Variants in CCSER1 observed in about 807,000 individuals in gnomAD.
CCSER1 encodes the protein coiled-coil serine rich protein 1, also known as serine-rich coiled-coil domain-containing protein 1.
CCSER1 carries 41 observed loss-of-function variants against 82.0 expected under a neutral mutation model. The observed-to-expected ratio is 0.50, with a 90% CI of 0.39 to 0.65. CCSER1 has a LOEUF of 0.65. CCSER1 is among the 30% of genes least tolerant of loss of function. CCSER1 has a pLI of 0.00. For synonymous variants in CCSER1, 414 were observed against 383.9 expected, an observed-to-expected ratio of 1.08 and a Z score of -0.92; for missense variants, 1,119 against 1,064.2, an observed-to-expected ratio of 1.05 and a Z score of -0.72.
intron 1 of CCSER1, among the ~76,000 whole-genome samples, chr4:90,222,773 T>C (rs1028529938): frequency 2.8e-4 from 42 of 152,172 alleles, no homozygotes; most frequent in Non-Finnish European, 5.4e-4. Flanking sequence ...TCTTTCTGAT[T>C]TCTTTTAATT....
chr4:90,638,981 A>G (rs1725975668), intron 6 of CCSER1, among the ~76,000 whole-genome samples: 2 of 152,088 alleles, frequency 1.3e-5, no homozygotes, highest in Admixed American at 6.6e-5. Context: ...AATATTAATA[A>G]CTACCTCATA....
intron 8 of CCSER1, among the ~76,000 whole-genome samples, chr4:90,835,543 A>G (rs144581348): frequency 1.6e-4 from 24 of 152,164 alleles, no homozygotes; most frequent in Non-Finnish European, 2.8e-4. Flanking sequence ...GTTCAGCTAT[A>G]TGTTTAGAAT....
chr4:90,329,933 T>G (rs1738971509), intron 3 of CCSER1, among the ~76,000 whole-genome samples: 1 of 152,158 alleles, frequency 6.6e-6, no homozygotes, highest in African/African-American at 2.4e-5. Context: ...AATAACTCGA[T>G]AAATTACTAA....
chr4:90,974,286 A>G (rs1735396259), intron 9 of CCSER1, among the ~76,000 whole-genome samples: 1 of 151,536 alleles, frequency 6.6e-6, no homozygotes, highest in East Asian at 1.9e-4. Context: ...ATTTCACAAT[A>G]CATATATCAA....
intron 9 of CCSER1, among the ~76,000 whole-genome samples, chr4:90,941,727 A>T (rs1019701144): frequency 6.6e-6 from 1 of 152,200 alleles, no homozygotes; most frequent in Non-Finnish European, 1.5e-5. Flanking sequence ...GGTAATCACC[A>T]ATATTATATG....
intron 10 of CCSER1, among the ~76,000 whole-genome samples, chr4:91,154,569 G>T (rs1730610045): frequency 6.6e-6 from 1 of 151,960 alleles, no homozygotes. Context: ...AGATGAACCT[G>T]GTACCTCAGT....
rs771267852 is a variant in CCSER1 at position 90,932,982 on chromosome 4, G to GAAAGAA, written c.2172+9536_2172+9537insAAGAAA. Among the ~76,000 whole-genome samples, 13 of 18,864 alleles carry GAAAGAA rather than the reference G, an allele frequency of 6.9e-4. No individual in the cohort carries two copies. The East Asian group carries it at 8.3e-3, about 12-fold the overall frequency. 12.4% of individuals were successfully genotyped at this position (18,864 alleles called of 152,430 possible). A position where few individuals can be genotyped will look rare whatever the true frequency, so the allele number is the denominator to read the frequency against. On this transcript the variant is annotated intron_variant, in intron 9 of 10. Coordinates refer to ENST00000509176, the MANE Select transcript of CCSER1 (RefSeq NM_001145065.2). ...AGAAAGAAAGAAAGAAAGAAAGAAA[G>GAAAGAA]AGAAAGAAAGAAAGAAAGAAAGAAA...
rs6842235 is a variant in CCSER1 at position 91,085,833 on chromosome 4, A to G, written c.2173-117A>G. 1.0e-5 allele frequency: 7 copies of G among 671,364 alleles called. No homozygotes were observed. The African/African-American group carries it at 1.1e-4, about 10-fold the overall frequency. 41.6% of individuals were successfully genotyped at this position (671,364 alleles called of 1,614,324 possible). On this transcript the variant is annotated intron_variant, in intron 9 of 10. Coordinates refer to ENST00000509176, the MANE Select transcript of CCSER1 (RefSeq NM_001145065.2). ...CCATGAGATAGTCATCTATATTCAG[A>G]TCTTCTTTGTTACGAATAAGTGAAT...
Position 90,898,269 on chromosome 4 carries a change from C to CTTT in CCSER1, c.2095-25073_2095-25071dup, listed in dbSNP as rs70963094. On this transcript the variant is annotated intron_variant, in intron 8 of 10. Coordinates refer to ENST00000509176, the MANE Select transcript of CCSER1 (RefSeq NM_001145065.2). ...CCTTACTTTTAAATCTTTAATCCATCTTTTTTTTTTTTTTTTTTTTTTTTT... is the reference window on the plus strand; with the variant it reads ...CCTTACTTTTAAATCTTTAATCCATCTTTTTTTTTTTTTTTTTTTTTTTTTTTT... Among the ~76,000 whole-genome samples the CTTT allele has an allele frequency of 5.6e-3, 294 of 52,528 alleles. 64 individuals carry two copies. Among genetic ancestry groups the CTTT allele is most frequent in the African/African-American group, 0.016 (217 of 13,174 alleles). 34.5% of individuals were successfully genotyped at this position (52,528 alleles called of 152,430 possible).
intron 1 of CCSER1, among the ~76,000 whole-genome samples, chr4:90,256,930 GTTT>G (rs969206748): frequency 9.9e-5 from 15 of 151,922 alleles, no homozygotes; most frequent in Admixed American, 8.5e-4. Flanking sequence ...TAATCTCATT[GTTT>G]TTCATTTATA....
chr4:91,277,281 C>A (rs1484257131), intron 10 of CCSER1, among the ~76,000 whole-genome samples: 3 of 151,962 alleles, frequency 2.0e-5, no homozygotes, highest in African/African-American at 7.2e-5. Context: ...ATCCTGACTT[C>A]ATGAGACTGA....
At chr4:91,071,821 G>A (rs1237027156) in intron 9 of CCSER1, among the ~76,000 whole-genome samples, 6 of 151,990 alleles carry the variant, frequency 3.9e-5, no homozygotes, top group East Asian at 1.9e-4. Context: ...TTAAATTCAC[G>A]GTTAGACTGT....
chr4:91,205,720 C>T lies in CCSER1; in HGVS notation c.2217+119726C>T, dbSNP rs553729227. ...CTTCCCTTCCTCATTCCCACCTGGC[C>T]TCCCTTTCTACTGACTCATGTTACA... On this transcript the variant is annotated intron_variant, in intron 10 of 10. Transcript: ENST00000509176. 2.6e-5 allele frequency among the ~76,000 whole-genome samples: 4 copies of T among 151,382 alleles called. No individual in the cohort carries two copies. The East Asian group carries it at 5.8e-4, about 22-fold the overall frequency.
At chr4:91,100,214 C>T (rs1427284154) in intron 10 of CCSER1, among the ~76,000 whole-genome samples, 2 of 152,000 alleles carry the variant, frequency 1.3e-5, no homozygotes, top group Admixed American at 6.6e-5. Flanking sequence ...GTTTGGTCCT[C>T]ATTATAAATC....
At chr4:90,473,121 T>C (rs897997305) in intron 5 of CCSER1, among the ~76,000 whole-genome samples, 2 of 152,158 alleles carry the variant, frequency 1.3e-5, no homozygotes, top group African/African-American at 4.8e-5. Flanking sequence ...CAGTTCTATG[T>C]AAATGAGCAT....
In CCSER1 at chr4:90,127,698, G is replaced by C. The variant is rs1174159841; in HGVS notation, c.-175G>C. 6.5e-6 allele frequency: 1 copy of C among 153,206 alleles called. No individual in the cohort carries two copies. The highest frequency in any genetic ancestry group is 2.1e-4 in the South Asian group (1 of 4,854). The allele number at this position is 153,206 out of a possible 1,614,324, so 9.5% of individuals were successfully genotyped here. ...GCAGCTGGACTCTGTGCAACTGGGAGTGGAGAGGAGCCCAACAGCCGAGAA... is the reference window on the plus strand; with the variant it reads ...GCAGCTGGACTCTGTGCAACTGGGACTGGAGAGGAGCCCAACAGCCGAGAA... On this transcript the variant is annotated 5_prime_UTR_variant, in exon 1 of 11. Transcript: ENST00000509176.
At chr4:90,943,791 G>T (rs1307330213) in intron 9 of CCSER1, among the ~76,000 whole-genome samples, 3 of 130,172 alleles carry the variant, frequency 2.3e-5, no homozygotes, top group Non-Finnish European at 3.1e-5. Context: ...GCCTAGGCTG[G>T]TCTCAAACTA....
chr4:91,599,066 C>T lies in CCSER1; in HGVS notation c.*9C>T, dbSNP rs1275001431. On this transcript the variant is annotated 3_prime_UTR_variant, in exon 11 of 11. Coordinates refer to ENST00000509176, the MANE Select transcript of CCSER1 (RefSeq NM_001145065.2). ...GCCAGCAGGATGGGTAATTAAATCA[C>T]CGTATTCCTGTCTTTGGGTAGGATA... The T allele has an allele frequency of 6.6e-7, 1 of 1,524,730 alleles. No homozygotes were observed. The highest frequency in any genetic ancestry group is 2.1e-5 in the Admixed American group (1 of 48,456). The allele number at this position is 1,524,730 out of a possible 1,614,324, so 94.5% of individuals were successfully genotyped here.
intron 1 of CCSER1, among the ~76,000 whole-genome samples, chr4:90,194,294 T>C (rs533262709): frequency 5.3e-5 from 8 of 152,072 alleles, no homozygotes; most frequent in African/African-American, 1.9e-4. Flanking sequence ...ACAGCTGTTA[T>C]GAAGATTAAA....
Sources: gnomAD v4.1 joint callset for allele counts (sites outside exome capture counted in the v4.1 genomes callset) on GRCh38, gnomAD v4.1.1 for gene constraint, MANE v1.5 for transcripts, NCBI Gene and HGNC (gene_info 2026-07-23, HGNC 2026-07-21) for gene names.